TM9SF1: variants seen among roughly 807,000 people sequenced by gnomAD.
TM9SF1 encodes MP70 protein family member.
Under a neutral mutation model 52.4 loss-of-function variants are expected in TM9SF1, and 25 were observed. The ratio of observed to expected loss-of-function variants is 0.48; its 90% CI spans 0.35 to 0.67. TM9SF1 has a LOEUF of 0.67. Ranked by LOEUF, TM9SF1 falls within the 30% of genes least tolerant of loss-of-function variation. TM9SF1 has a pLI of 0.01. For missense variants in TM9SF1, 604 were observed against 780.3 expected (o/e 0.77, Z 2.69); for synonymous variants, 284 against 299.8 (o/e 0.95, Z 0.55).
intron 2 of TM9SF1, 57 bp from the exon 3 acceptor site, chr14:24,193,326 A>G (rs2039351945): frequency 6.6e-7 from 1 of 1,526,578 alleles, no homozygotes; most frequent in African/African-American, 1.4e-5. Context: ...GCAGAGTTAC[A>G]GCAAAGTTTC....
chr14:24,193,512 G>A (rs562090629), intron 2 of TM9SF1, among the ~76,000 whole-genome samples: 11 of 151,640 alleles, frequency 7.3e-5, no homozygotes, highest in Non-Finnish European at 1.3e-4. Context: ...GATTACAGGC[G>A]CCCACCACCA....
At chr14:24,190,209 T>C (rs1050331442) in intron 5 of TM9SF1, 171 bp downstream of exon 5, 6 of 1,450,590 alleles carry the variant, frequency 4.1e-6, no homozygotes, top group African/African-American at 2.8e-5. Context: ...GACACTCTCA[T>C]ATCATTCAAG....
chr14:24,193,919 CAAA>C (rs773893022), intron 2 of TM9SF1, among the ~76,000 whole-genome samples: 5 of 124,688 alleles, frequency 4.0e-5, no homozygotes, highest in African/African-American at 3.0e-5. Context: ...GACTCTGTCT[CAAA>C]AAAAAAAAAA....
At position 24,194,802 on chromosome 14, in the gene TM9SF1, C is replaced by A. The variant is rs757711177; in HGVS notation, c.218G>T (p.Arg73Leu). Residue 73 changes from arginine to leucine, a missense_variant, in exon 2 of 6, where the codon CGT becomes CTT. By Grantham distance (102) the Arg-to-Leu change is moderately radical (BLOSUM62 -2). Coordinates refer to ENST00000261789, the MANE Select transcript of TM9SF1 (RefSeq NM_006405.7). ...QLPVCCPEKI[R>L]HKSLSLGEVL... is the part of the protein sequence containing the mutation. ...TTCACCCAGGCTAAGGCTTTTGTGA[C>A]GTATCTTCTCAGGGCAGCAGACTGG... The A allele has an allele frequency of 6.2e-7, 1 of 1,614,194 alleles. No individual in the cohort carries two copies. The highest frequency in any genetic ancestry group is 8.5e-7 in the Non-Finnish European group (1 of 1,180,034).
intron 5 of TM9SF1, 111 bp from the exon 6 acceptor site, chr14:24,189,919 A>G (rs2039291704): frequency 2.1e-6 from 3 of 1,446,552 alleles, no homozygotes; most frequent in Non-Finnish European, 2.7e-6. Context: ...TCATTGTGAA[A>G]AGTGAGTTCA....
At position 24,191,941 on chromosome 14, in the gene TM9SF1, C is replaced by T. The variant is rs959555217; in HGVS notation, c.1153+230G>A. On this transcript the variant is annotated intron_variant, in intron 4 of 5. Coordinates refer to ENST00000261789, the MANE Select transcript of TM9SF1 (RefSeq NM_006405.7). ...AAGCAATCCTCCTGGGTCAGCCTCC[C>T]AAGTAGCTGGGATTACAGATGTGAA... The T allele has an allele frequency of 1.5e-5, 7 of 455,952 alleles. No homozygotes were observed. In the Admixed American group the frequency reaches 2.0e-4, roughly 13 times the overall value. 28.2% of individuals were successfully genotyped at this position (455,952 alleles called of 1,614,324 possible).
chr14:24,189,251 G>A lies in TM9SF1; in HGVS notation c.*164C>T, dbSNP rs1392660365. On this transcript the variant is annotated 3_prime_UTR_variant, in exon 6 of 6. Transcript: ENST00000261789. Reference sequence around the variant, plus strand: ...AAATATATAATCCTTATGTGATAGAGATTTATAATTTCCAGGCCCTCTCTG... The same window carrying A: ...AAATATATAATCCTTATGTGATAGAAATTTATAATTTCCAGGCCCTCTCTG... 4 of 714,228 alleles carry A rather than the reference G, an allele frequency of 5.6e-6. No homozygotes were observed. The highest frequency in any genetic ancestry group is 2.6e-5 in the Admixed American group (1 of 38,646). The allele number at this position is 714,228 out of a possible 1,614,324, so 44.2% of individuals were successfully genotyped here. A position where few individuals can be genotyped will look rare whatever the true frequency, so the allele number is the denominator to read the frequency against.
chr14:24,190,173 A>G, intron 5 of TM9SF1: 1 of 1,378,590 alleles, frequency 7.3e-7, no homozygotes, highest in African/African-American at 1.5e-5. Context: ...GAAGGGGGAA[A>G]TGTCTCCGGA....
chr14:24,189,199 C>A lies in TM9SF1; in HGVS notation c.*216G>T. The A allele has an allele frequency of 2.0e-6, 1 of 496,228 alleles. No individual in the cohort carries two copies. Among genetic ancestry groups the A allele is most frequent in the South Asian group, 4.2e-5 (1 of 23,710 alleles). 30.7% of individuals were successfully genotyped at this position (496,228 alleles called of 1,614,324 possible). On this transcript the variant is annotated 3_prime_UTR_variant, in exon 6 of 6. Coordinates refer to ENST00000261789, the MANE Select transcript of TM9SF1 (RefSeq NM_006405.7). ...TAATTGTAAAAAGAAAAATCAGGAC[C>A]AAAACTAAAGGCAACTTAAAAAGTT...
At chr14:24,191,695 T>G (rs2138831057) in intron 4 of TM9SF1, 1 of 159,598 alleles carries the variant, frequency 6.3e-6, no homozygotes, top group Non-Finnish European at 1.4e-5. Context: ...GAGGGCTTAG[T>G]AATTTTAAAC....
In TM9SF1 at chr14:24,195,034, A is replaced by G; in HGVS notation, c.-15T>C. The G allele has an allele frequency of 6.2e-7, 1 of 1,608,136 alleles. No homozygotes were observed. The highest frequency in any genetic ancestry group is 8.5e-7 in the Non-Finnish European group (1 of 1,175,584). On this transcript the variant is annotated splice_region_variant and 5_prime_UTR_variant, in exon 2 of 6. Coordinates refer to ENST00000261789, the MANE Select transcript of TM9SF1 (RefSeq NM_006405.7). ...ACGACTGTCATCCTTAAGGCAGTGG[A>G]ACCTGTTTGGGGGAATCCTGAGGTT...
rs747164062 is a variant in TM9SF1, at chr14:24,192,317, T to C, written c.1007A>G (p.His336Arg). The C allele has an allele frequency of 3.0e-5, 48 of 1,614,000 alleles. No homozygotes were observed. The highest frequency in any genetic ancestry group is 2.5e-4 in the Admixed American group (15 of 60,004). ...VMALLGMFNV[H>R]RHGAINSAAI... ...TGCTGAGTTAATGGCCCCATGACGGTGCACATTGAACATGCCCAGCAGTGC... is the reference window on the plus strand; with the variant it reads ...TGCTGAGTTAATGGCCCCATGACGGCGCACATTGAACATGCCCAGCAGTGC... The change falls in exon 4 of 6, where the codon CAC (histidine) becomes CGC (arginine). Residue 336 changes from histidine to arginine, a missense_variant. Physicochemically the swap from His to Arg is conservative, Grantham distance 29 (BLOSUM62 0). Transcript: ENST00000261789. The surrounding 1 kb of genome is among the most constrained non-coding windows in gnomAD (Gnocchi z 4.0).
chr14:24,190,573 T>C lies in TM9SF1; in HGVS notation c.1234A>G (p.Ile412Val), dbSNP rs754490736. 1.6e-5 allele frequency: 26 copies of C among 1,613,962 alleles called. 1 individual carries two copies. Among genetic ancestry groups the C allele is most frequent in the Non-Finnish European group, 2.0e-5 (24 of 1,180,028 alleles). Residue 412 changes from isoleucine (I) to valine (V), a missense_variant, in exon 5 of 6, where the codon ATC becomes GTC. Around this residue, in one of 3 missense-constraint regions of TM9SF1, gnomAD observed 450 missense variants for 560.1 expected, o/e 0.80. Coordinates refer to ENST00000261789, the MANE Select transcript of TM9SF1 (RefSeq NM_006405.7). ...GSTQALPATTILLLLTVWLLV... is the reference protein window; with the variant it reads ...GSTQALPATTVLLLLTVWLLV... ...AGCCAAACCGTCAGAAGCAGCAGGA[T>C]GGTTGTGGCTGGCAGAGCCTGTGTC...
At position 24,192,781 on chromosome 14, in the gene TM9SF1, A is replaced by C; in HGVS notation, c.834T>G (p.Gly278=). Residue 278 remains glycine, a synonymous_variant, in exon 3 of 6, where the codon GGT becomes GGG. Coordinates refer to ENST00000261789, the MANE Select transcript of TM9SF1 (RefSeq NM_006405.7). This position sits in a 1 kb window ranked among gnomAD's most constrained non-coding sequence, Gnocchi z 4.0. ...YNLDEETTSA[G]SGDDFDQGDN... is the part of the protein sequence containing the mutation. Reference sequence around the variant, plus strand: ...CACCCTGGTCAAAGTCATCACCAGAACCTGCAGAGGTGGTCTCCTCATCTA... The same window carrying C: ...CACCCTGGTCAAAGTCATCACCAGACCCTGCAGAGGTGGTCTCCTCATCTA... 3.1e-6 allele frequency: 5 copies of C among 1,614,092 alleles called. No homozygotes were observed. The highest frequency in any genetic ancestry group is 4.2e-6 in the Non-Finnish European group (5 of 1,180,012).
chr14:24,189,249 G>C lies in TM9SF1; in HGVS notation c.*166C>G. ...TCAAATATATAATCCTTATGTGATAGAGATTTATAATTTCCAGGCCCTCTC... is the reference window on the plus strand; with the variant it reads ...TCAAATATATAATCCTTATGTGATACAGATTTATAATTTCCAGGCCCTCTC... On this transcript the variant is annotated 3_prime_UTR_variant, in exon 6 of 6. Transcript: ENST00000261789. 1.1e-5 allele frequency: 8 copies of C among 699,900 alleles called. No homozygotes were observed. The South Asian group carries it at 1.7e-4, about 15-fold the overall frequency. The allele number at this position is 699,900 out of a possible 1,614,324, so 43.4% of individuals were successfully genotyped here. A position where few individuals can be genotyped will look rare whatever the true frequency, so the allele number is the denominator to read the frequency against.
At chr14:24,193,662 T>C (rs1440910956) in intron 2 of TM9SF1, among the ~76,000 whole-genome samples, 2 of 149,316 alleles carry the variant, frequency 1.3e-5, no homozygotes, top group African/African-American at 2.5e-5. Context: ...GGCTCATGCC[T>C]GTAATCCCAA....
chr14:24,194,349 T>C (rs549532556), intron 2 of TM9SF1, among the ~76,000 whole-genome samples: 55 of 152,114 alleles, frequency 3.6e-4, no homozygotes, highest in Non-Finnish European at 7.1e-4. Flanking sequence ...AGCCAAGAGG[T>C]AGGCATGGAA....
Position 24,189,358 on chromosome 14 carries a change from G to A in TM9SF1, c.*57C>T. The stretch of plus-strand genomic sequence containing the variant: ...TCAATCAGAAGAGAAGCTGGTAGGA[G>A]AGTTCAACAGGGCATGAAGAAAGGG... On this transcript the variant is annotated 3_prime_UTR_variant, in exon 6 of 6. Coordinates refer to ENST00000261789, the MANE Select transcript of TM9SF1 (RefSeq NM_006405.7). 2.0e-6 allele frequency: 3 copies of A among 1,521,978 alleles called. No individual in the cohort carries two copies. The highest frequency in any genetic ancestry group is 4.1e-5 in the Admixed American group (2 of 49,366). The allele number at this position is 1,521,978 out of a possible 1,614,324, so 94.3% of individuals were successfully genotyped here. A position where few individuals can be genotyped will look rare whatever the true frequency, so the allele number is the denominator to read the frequency against.
At position 24,189,674 on chromosome 14, in the gene TM9SF1, TAGG is replaced by T; in HGVS notation, c.1559_1561del (p.Thr520_Tyr521delinsAsn). 5.6e-6 allele frequency: 9 copies of T among 1,614,060 alleles called. No individual in the cohort carries two copies. Among genetic ancestry groups the T allele is most frequent in the Non-Finnish European group, 7.6e-6 (9 of 1,180,002 alleles). ...GTAATCCTCCCCAGACAACTGGAAGTAGGTGAGTGCAATGGAGATGCAAGCCCC... is the reference window on the plus strand; with the variant it reads ...GTAATCCTCCCCAGACAACTGGAAGTTGAGTGCAATGGAGATGCAAGCCCC... On this transcript the variant is annotated inframe_deletion, in exon 6 of 6. Coordinates refer to ENST00000261789, the MANE Select transcript of TM9SF1 (RefSeq NM_006405.7).
Sources: allele counts gnomAD v4.1 joint callset (sites outside exome capture counted in the v4.1 genomes callset), GRCh38; gene constraint gnomAD v4.1.1; regional missense constraint gnomAD v4.1.1; non-coding constraint Gnocchi (gnomAD v3.1); transcripts MANE v1.5; gene names NCBI Gene and HGNC (gene_info 2026-07-23, HGNC 2026-07-21).